Variants in TRAPPC3L observed in about 807,000 individuals in gnomAD.
TRAPPC3L encodes the protein trafficking protein particle complex subunit 3L.
Under a neutral mutation model 23.7 loss-of-function variants are expected in TRAPPC3L, and 23 were observed. The ratio of observed to expected loss-of-function variants is 0.97; its 90% CI spans 0.70 to 1.37. The LOEUF (loss-of-function observed/expected upper bound fraction) is 1.37. TRAPPC3L is among the 40% of genes most tolerant of loss of function. The pLI is 0.00. For synonymous variants in TRAPPC3L, 81 were observed against 77.9 expected, an observed-to-expected ratio of 1.04 and a Z score of -0.21; for missense variants, 212 against 216.8, an observed-to-expected ratio of 0.98 and a Z score of 0.14.
intron 3 of TRAPPC3L, among the ~76,000 whole-genome samples, chr6:116,502,691 A>G (rs1346880444): frequency 6.6e-6 from 1 of 152,268 alleles, no homozygotes; most frequent in African/African-American, 2.4e-5. Flanking sequence ...CAGAAACACT[A>G]CAAGCCAGAA....
chr6:116,543,711 A>G, intron 1 of TRAPPC3L: 2 of 995,856 alleles, frequency 2.0e-6, no homozygotes, highest in South Asian at 3.0e-5. Flanking sequence ...TAAAAATACT[A>G]ATTTCTAACA....
intron 4 of TRAPPC3L, among the ~76,000 whole-genome samples, chr6:116,500,280 C>T (rs1382915504): frequency 1.3e-5 from 2 of 152,218 alleles, no homozygotes; most frequent in African/African-American, 2.4e-5. Context: ...AGCTAAGCTG[C>T]TCCCAGATTT....
chr6:116,502,250 C>T (rs570505755), intron 3 of TRAPPC3L, among the ~76,000 whole-genome samples: 12 of 152,034 alleles, frequency 7.9e-5, no homozygotes, highest in East Asian at 1.9e-4. Flanking sequence ...ATAGCTGATT[C>T]GATCAAGTGG....
In TRAPPC3L at chr6:116,496,920, G is replaced by A. The variant is rs2115150424; in HGVS notation, c.*34C>T. On this transcript the variant is annotated 3_prime_UTR_variant, in exon 5 of 5. Coordinates refer to ENST00000368602, the MANE Select transcript of TRAPPC3L (RefSeq NM_001139444.3). ...TACATGTTTAGCTAACATTAACTCA[G>A]CTAGCCGCCCCGTGGCATTTTCCGT... 1 of 1,529,416 alleles carries A rather than the reference G, an allele frequency of 6.5e-7. No homozygotes were observed. Among genetic ancestry groups the A allele is most frequent in the Non-Finnish European group, 8.8e-7 (1 of 1,141,304 alleles). The allele number at this position is 1,529,416 out of a possible 1,614,324, so 94.7% of individuals were successfully genotyped here. A position where few individuals can be genotyped will look rare whatever the true frequency, so the allele number is the denominator to read the frequency against.
At chr6:116,521,344 A>G (rs1772337082) in intron 3 of TRAPPC3L, 1 of 152,118 alleles carries the variant, frequency 6.6e-6, no homozygotes, top group Admixed American at 6.6e-5. Flanking sequence ...GGGTGGCTCA[A>G]GTCCCAGTCT....
Position 116,496,343 on chromosome 6 carries a change from A to G in TRAPPC3L, c.*611T>C, listed in dbSNP as rs920860966. 4 of 152,214 alleles carry G rather than the reference A, an allele frequency of 2.6e-5. No homozygotes were observed. Among genetic ancestry groups the G allele is most frequent in the Non-Finnish European group, 4.4e-5 (3 of 68,034 alleles). 9.4% of individuals were successfully genotyped at this position (152,214 alleles called of 1,614,324 possible). On this transcript the variant is annotated 3_prime_UTR_variant, in exon 5 of 5. Transcript: ENST00000368602. The stretch of plus-strand genomic sequence containing the variant: ...GATGCCAGCTATATTAAAACTAAAT[A>G]AATTAAAATTAAATGTTATTTATAA...
intron 2 of TRAPPC3L, 132 bp downstream of exon 2, chr6:116,543,171 C>A: frequency 1.6e-6 from 1 of 612,568 alleles, no homozygotes; most frequent in Non-Finnish European, 2.7e-6. Context: ...TTATGTTCAG[C>A]TTTCAGATGT....
chr6:116,530,287 G>A (rs934668992), intron 3 of TRAPPC3L, among the ~76,000 whole-genome samples: 9 of 151,988 alleles, frequency 5.9e-5, no homozygotes, highest in African/African-American at 2.2e-4. Flanking sequence ...TGAATGCCCT[G>A]GTTTAAGTTC....
At chr6:116,519,547 T>C (rs2753108) in intron 3 of TRAPPC3L, 5,555 of 152,304 alleles carry the variant, frequency 0.036, 129 homozygotes, top group Middle Eastern at 0.095. Context: ...ATACTAATGT[T>C]TGCCATAACA....
intron 3 of TRAPPC3L, among the ~76,000 whole-genome samples, chr6:116,514,714 G>A (rs1420018337): frequency 6.6e-6 from 1 of 152,118 alleles, no homozygotes; most frequent in Non-Finnish European, 1.5e-5. Context: ...TCAAAGGTTG[G>A]GAACCACTGA....
intron 3 of TRAPPC3L, among the ~76,000 whole-genome samples, chr6:116,509,704 A>C (rs889494733): frequency 1.6e-4 from 25 of 152,202 alleles, no homozygotes; most frequent in African/African-American, 6.0e-4. Flanking sequence ...TATATCTAAG[A>C]TGTGAAACCA....
chr6:116,516,026 A>G (rs1465914327), intron 3 of TRAPPC3L: 5 of 1,540,358 alleles, frequency 3.2e-6, no homozygotes, highest in Admixed American at 2.0e-5. Context: ...GTTGAGTGGC[A>G]TGCTCATTCT....
chr6:116,516,039 G>A, intron 3 of TRAPPC3L: 1 of 1,527,668 alleles, frequency 6.5e-7, no homozygotes, highest in African/African-American at 1.4e-5. Flanking sequence ...CTCATTCTGT[G>A]ATCCTCCTAA....
chr6:116,516,601 T>C (rs1189047023), intron 3 of TRAPPC3L: 1 of 150,334 alleles, frequency 6.7e-6, no homozygotes, highest in African/African-American at 2.5e-5. Context: ...ATAATTTTTG[T>C]GGGCTTTATG....
intron 4 of TRAPPC3L, among the ~76,000 whole-genome samples, chr6:116,498,608 C>A (rs1363262846): frequency 6.6e-6 from 1 of 152,200 alleles, no homozygotes; most frequent in Non-Finnish European, 1.5e-5. Flanking sequence ...GTTGTTGGCT[C>A]ACCAATCTAT....
intron 1 of TRAPPC3L, among the ~76,000 whole-genome samples, chr6:116,544,240 G>A (rs922672613): frequency 6.6e-6 from 1 of 151,548 alleles, no homozygotes; most frequent in Non-Finnish European, 1.5e-5. Context: ...GAGAAAAGTA[G>A]AAAAAATCAT....
chr6:116,525,589 T>C (rs77547573), intron 3 of TRAPPC3L, among the ~76,000 whole-genome samples: 1 of 152,340 alleles, frequency 6.6e-6, no homozygotes, highest in East Asian at 1.9e-4. Context: ...GGGTTTCCTG[T>C]ACCTACAGCC....
intron 3 of TRAPPC3L, among the ~76,000 whole-genome samples, chr6:116,538,248 C>G (rs1016554861): frequency 7.2e-5 from 11 of 152,130 alleles, no homozygotes; most frequent in African/African-American, 2.4e-4. Flanking sequence ...CTGGAGAATC[C>G]TCCCATGTCA....
chr6:116,524,002 G>A (rs1272664132), intron 3 of TRAPPC3L: 1 of 152,168 alleles, frequency 6.6e-6, no homozygotes, highest in Non-Finnish European at 1.5e-5. Flanking sequence ...AGATATTTAG[G>A]AAAATATGAA....
Sources: allele counts gnomAD v4.1 joint callset (sites outside exome capture counted in the v4.1 genomes callset), GRCh38; gene constraint gnomAD v4.1.1; transcripts MANE v1.5; gene names NCBI Gene and HGNC (gene_info 2026-07-23, HGNC 2026-07-21).